Variants in KIAA1217 observed in about 807,000 individuals in gnomAD.
The protein encoded by KIAA1217 is KIAA1217, also known as sickle tail protein homolog.
Under a neutral mutation model 163.9 loss-of-function variants are expected in KIAA1217, and 88 were observed. The ratio of observed to expected loss-of-function variants is 0.54; its 90% CI spans 0.45 to 0.64. The LOEUF (loss-of-function observed/expected upper bound fraction) is 0.64. KIAA1217 is among the 30% of genes least tolerant of loss of function. The pLI is 0.00. For synonymous variants in KIAA1217, 903 were observed against 923.1 expected, an observed-to-expected ratio of 0.98 and a Z score of 0.39; for missense variants, 2,372 against 2,475.0, an observed-to-expected ratio of 0.96 and a Z score of 0.88.
At chr10:24,224,020 A>T (rs1180284356) in intron 2 of KIAA1217, among the ~76,000 whole-genome samples, 1 of 152,168 alleles carries the variant, frequency 6.6e-6, no homozygotes, top group African/African-American at 2.4e-5. Context: ...GTTTGTCTTT[A>T]AAAAATATGT....
intron 2 of KIAA1217, among the ~76,000 whole-genome samples, chr10:24,228,687 G>T (rs1261272159): frequency 6.6e-6 from 1 of 152,044 alleles, no homozygotes; most frequent in Non-Finnish European, 1.5e-5. Flanking sequence ...GTAGCTTCTT[G>T]GTTCTAGTAC....
chr10:24,063,951 T>C (rs1192101083), intron 2 of KIAA1217, among the ~76,000 whole-genome samples: 1 of 152,150 alleles, frequency 6.6e-6, no homozygotes, highest in African/African-American at 2.4e-5. Context: ...TTGTCTGTTA[T>C]TGGTGTATAA....
intron 2 of KIAA1217, among the ~76,000 whole-genome samples, chr10:24,272,602 G>A (rs938292726): frequency 3.3e-5 from 5 of 152,156 alleles, no homozygotes; most frequent in Non-Finnish European, 7.3e-5. Flanking sequence ...TACATAACTC[G>A]AATTCTAGCC....
intron 2 of KIAA1217, among the ~76,000 whole-genome samples, chr10:24,320,962 G>A (rs902051133): frequency 6.6e-6 from 1 of 151,848 alleles, no homozygotes; most frequent in African/African-American, 2.4e-5. Context: ...CAGGAGAATG[G>A]CGTGAACCCA....
At chr10:23,713,332 G>T (rs1382830612) in intron 1 of KIAA1217, among the ~76,000 whole-genome samples, 2 of 152,016 alleles carry the variant, frequency 1.3e-5, no homozygotes, top group African/African-American at 4.8e-5. Flanking sequence ...AAGAGCTATT[G>T]CTTTCAGCTC....
At chr10:24,446,168 A>G (rs2060917631) in intron 5 of KIAA1217, among the ~76,000 whole-genome samples, 2 of 152,144 alleles carry the variant, frequency 1.3e-5, no homozygotes, top group Non-Finnish European at 2.9e-5. Context: ...TTTTGGCTGC[A>G]TAAATGTCTT....
chr10:23,833,057 A>T (rs1288167498), intron 1 of KIAA1217, among the ~76,000 whole-genome samples: 1 of 152,118 alleles, frequency 6.6e-6, no homozygotes, highest in African/African-American at 2.4e-5. Flanking sequence ...GTGGGGACAC[A>T]GCCAAACCAT....
rs550725060 is a variant in KIAA1217 at position 24,036,077 on chromosome 10, G to A, written c.-171+28703G>A. ...CAGGGTTACTGCAGGCTGTGGCCTC[G>A]AACCAGCCCCAGGGAGGAGATCCCC... On this transcript the variant is annotated intron_variant, in intron 2 of 18. Coordinates refer to the KIAA1217 transcript ENST00000376462. 3.3e-5 allele frequency among the ~76,000 whole-genome samples: 5 copies of A among 152,298 alleles called. No individual in the cohort carries two copies. The East Asian group carries it at 7.7e-4, about 24-fold the overall frequency.
intron 2 of KIAA1217, chr10:24,158,294 A>G: frequency 1.4e-6 from 1 of 703,152 alleles, no homozygotes; most frequent in Non-Finnish European, 2.7e-6. Context: ...TCCCGGTTGG[A>G]TCCTTTTTAT....
At chr10:24,376,137 T>C (rs2134653003) in intron 2 of KIAA1217, among the ~76,000 whole-genome samples, 1 of 152,252 alleles carries the variant, frequency 6.6e-6, no homozygotes, top group East Asian at 1.9e-4. Context: ...TAAAAATTAA[T>C]GCTGTTCAAC....
At chr10:24,347,796 T>C (rs1447590473) in intron 2 of KIAA1217, among the ~76,000 whole-genome samples, 1 of 152,168 alleles carries the variant, frequency 6.6e-6, no homozygotes, top group Non-Finnish European at 1.5e-5. Context: ...TTGAGTATAA[T>C]TGACAAATAA....
intron 2 of KIAA1217, among the ~76,000 whole-genome samples, chr10:24,085,573 T>G (rs772054674): frequency 2.6e-5 from 4 of 152,094 alleles, no homozygotes; most frequent in Non-Finnish European, 5.9e-5. Context: ...TTCATCATGG[T>G]GCCCAGGAAT....
chr10:24,292,255 G>A (rs2079153502), intron 2 of KIAA1217, among the ~76,000 whole-genome samples: 1 of 152,208 alleles, frequency 6.6e-6, no homozygotes, highest in Admixed American at 6.5e-5. Flanking sequence ...CGTGGACATT[G>A]TTTAACTGAT....
chr10:24,168,823 G>A (rs895356401), intron 2 of KIAA1217, among the ~76,000 whole-genome samples: 18 of 152,298 alleles, frequency 1.2e-4, no homozygotes, highest in African/African-American at 4.1e-4. Context: ...TCACTTCCTG[G>A]AGAAATTATT....
At chr10:24,011,780 C>A (rs371241844) in intron 2 of KIAA1217, among the ~76,000 whole-genome samples, 1 of 152,058 alleles carries the variant, frequency 6.6e-6, no homozygotes. Context: ...GGGTTGTTCC[C>A]GTGGGTTGAC....
chr10:23,824,351 C>A (rs1005269245), intron 1 of KIAA1217, among the ~76,000 whole-genome samples: 2 of 151,328 alleles, frequency 1.3e-5, no homozygotes, highest in Non-Finnish European at 2.9e-5. Flanking sequence ...ATATGTAGGC[C>A]GGGCGCGGTG....
chr10:24,163,152 A>C (rs1037800688), intron 2 of KIAA1217, among the ~76,000 whole-genome samples: 2 of 152,228 alleles, frequency 1.3e-5, no homozygotes, highest in African/African-American at 4.8e-5. Flanking sequence ...AGTGCTAAGA[A>C]CACAGTTGGC....
chr10:24,369,756 A>G (rs1224090558), intron 2 of KIAA1217, among the ~76,000 whole-genome samples: 1 of 152,216 alleles, frequency 6.6e-6, no homozygotes, highest in East Asian at 1.9e-4. Flanking sequence ...ATCCTCACAC[A>G]GACACCTTTT....
intron 1 of KIAA1217, among the ~76,000 whole-genome samples, chr10:23,981,076 A>G (rs577975349): frequency 1.4e-4 from 22 of 152,338 alleles, no homozygotes; most frequent in African/African-American, 4.6e-4. Flanking sequence ...CAAAGCAGAG[A>G]TAAACTTTAG....
Sources: gnomAD v4.1 joint callset for allele counts (sites outside exome capture counted in the v4.1 genomes callset) on GRCh38, gnomAD v4.1.1 for gene constraint, MANE v1.5 for transcripts, NCBI Gene and HGNC (gene_info 2026-07-23, HGNC 2026-07-21) for gene names.